Variants in PER2 observed in about 807,000 individuals in gnomAD.
The protein encoded by PER2 is period circadian protein homolog 2.
PER2 carries 66 observed loss-of-function variants against 121.0 expected under a neutral mutation model. That is an observed-to-expected ratio of 0.55 (90% confidence interval 0.45 to 0.67). The LOEUF (loss-of-function observed/expected upper bound fraction) is 0.67, where lower values mean the gene tolerates loss of function less well. Among genes scored for constraint, PER2 ranks in the 30% least tolerant of loss-of-function variants. The probability of loss-of-function intolerance (pLI) is 0.00; values close to 1 mark genes in which losing one functional copy is unlikely to be tolerated. For synonymous variants in PER2, 684 were observed against 659.9 expected, an observed-to-expected ratio of 1.04 and a Z score of -0.56; for missense variants, 1,521 against 1,635.0, an observed-to-expected ratio of 0.93 and a Z score of 1.20.
At chr2:238,290,411 T>C (rs1195750259), upstream of PER2, among the ~76,000 whole-genome samples, 3 of 152,050 alleles carry the variant, frequency 2.0e-5, no homozygotes, top group African/African-American at 7.2e-5. Context: ...GGGAGCTCCA[T>C]TGTTCTGGAA....
At chr2:238,270,618 G>T (rs1361186783) in intron 6 of PER2, among the ~76,000 whole-genome samples, 3 of 152,238 alleles carry the variant, frequency 2.0e-5, no homozygotes, top group Non-Finnish European at 4.4e-5. Flanking sequence ...CCTGAGGAGA[G>T]TGGGGGTCAG....
the PER2 span, chr2:238,298,999 A>C: frequency 6.6e-6 from 1 of 152,368 alleles, no homozygotes; most frequent in Admixed American, 6.5e-5. Flanking sequence ...GGCCAGGCAC[A>C]GTGGCTCACG....
intron 13 of PER2, among the ~76,000 whole-genome samples, chr2:238,260,510 C>A (rs1300785213): frequency 6.6e-6 from 1 of 152,218 alleles, no homozygotes; most frequent in Admixed American, 6.5e-5. Context: ...CCTGCCTCGG[C>A]CTTCCAAAGT....
chr2:238,253,838 CA>C lies in PER2; in HGVS notation c.2321-137del. 1 of 679,496 alleles carries C rather than the reference CA, an allele frequency of 1.5e-6. No individual in the cohort carries two copies. Among genetic ancestry groups the C allele is most frequent in the South Asian group, 1.7e-5 (1 of 59,646 alleles). The allele number at this position is 679,496 out of a possible 1,614,324, so 42.1% of individuals were successfully genotyped here. A position where few individuals can be genotyped will look rare whatever the true frequency, so the allele number is the denominator to read the frequency against. ...CCACCGAGCGGTTTTCCCTGATCCT[CA>C]GTGAAGTGAGAAAAATCAGGGCAAA... On this transcript the variant is annotated intron_variant, in intron 18 of 22. Coordinates refer to ENST00000254657, the MANE Select transcript of PER2 (RefSeq NM_022817.3). This position sits in a 1 kb window ranked among gnomAD's most constrained non-coding sequence, Gnocchi z 5.6.
At chr2:238,272,949 A>G in intron 5 of PER2, 121 bp downstream of exon 5, 1 of 873,640 alleles carries the variant, frequency 1.1e-6, no homozygotes, top group Non-Finnish European at 1.9e-6. Flanking sequence ...AAAGGTAGGA[A>G]CTTATCTGCT....
At chr2:238,286,278 G>T (rs1258625212) in intron 1 of PER2, among the ~76,000 whole-genome samples, 2 of 152,122 alleles carry the variant, frequency 1.3e-5, no homozygotes, top group Non-Finnish European at 2.9e-5. Context: ...GTCACCCCAG[G>T]AAGAGCACGA....
rs113611142 is a variant in PER2, at chr2:238,288,582, C to A, written c.-253G>T. On this transcript the variant is annotated 5_prime_UTR_variant, in exon 1 of 23. Transcript: ENST00000254657. ...AGCCGGCGCTGGGACCCCGACCTGC[C>A]CGAGGCCCGCGCGCCGGCGGCGGTT... The A allele has an allele frequency of 6.6e-6, 1 of 151,482 alleles. No individual in the cohort carries two copies. The highest frequency in any genetic ancestry group is 2.0e-4 in the South Asian group (1 of 4,958). The allele number at this position is 151,482 out of a possible 1,614,324, so 9.4% of individuals were successfully genotyped here.
chr2:238,253,331 C>G lies in PER2; in HGVS notation c.2692G>C (p.Ala898Pro). The G allele has an allele frequency of 6.2e-7, 1 of 1,613,626 alleles. No homozygotes were observed. Among genetic ancestry groups the G allele is most frequent in the Non-Finnish European group, 8.5e-7 (1 of 1,179,800 alleles). The change falls in exon 19 of 23, where the codon GCC (alanine) becomes CCC (proline). Residue 898 changes from alanine to proline, a missense_variant. Coordinates refer to ENST00000254657, the MANE Select transcript of PER2 (RefSeq NM_022817.3). The surrounding 1 kb of genome is among the most constrained non-coding windows in gnomAD (Gnocchi z 5.6). ...QFAVQPPPFP[A>P]PLAPVMAFML... ...AATGCCATGACAGGCGCCAAAGGGG[C>G]AGGGAAAGGTGGGGGCTGGACTGCA...
upstream of PER2, among the ~76,000 whole-genome samples, chr2:238,290,988 T>C (rs1041414304): frequency 1.3e-5 from 2 of 152,134 alleles, no homozygotes; most frequent in Non-Finnish European, 2.9e-5. Flanking sequence ...AGAGCGCAAA[T>C]TGGGGCAGTC....
chr2:238,253,731 T>A lies in PER2; in HGVS notation c.2321-29A>T. 1 of 1,533,968 alleles carries A rather than the reference T, an allele frequency of 6.5e-7. No individual in the cohort carries two copies. Among genetic ancestry groups the A allele is most frequent in the Non-Finnish European group, 8.9e-7 (1 of 1,125,934 alleles). On this transcript the variant is annotated intron_variant, in intron 18 of 22. Transcript: ENST00000254657. This position sits in a 1 kb window ranked among gnomAD's most constrained non-coding sequence, Gnocchi z 5.6. ...ATGCAGAAAAACAAATACTCGGAGTTAAAATTTTAACTCCAAATTTGAAGA... is the reference window on the plus strand; with the variant it reads ...ATGCAGAAAAACAAATACTCGGAGTAAAAATTTTAACTCCAAATTTGAAGA...
chr2:238,279,700 C>G (rs1301347900), intron 1 of PER2, among the ~76,000 whole-genome samples: 1 of 152,202 alleles, frequency 6.6e-6, no homozygotes, highest in African/African-American at 2.4e-5. Context: ...GGGAGAGCCT[C>G]CCCTTCCACC....
Position 238,246,354 on chromosome 2 carries a change from C to T in PER2, c.*21G>A, listed in dbSNP as rs755605691. 1.9e-6 allele frequency: 3 copies of T among 1,573,768 alleles called. No individual in the cohort carries two copies. The highest frequency in any genetic ancestry group is 1.8e-5 in the Admixed American group (1 of 54,566). On this transcript the variant is annotated 3_prime_UTR_variant, in exon 23 of 23. Coordinates refer to ENST00000254657, the MANE Select transcript of PER2 (RefSeq NM_022817.3). ...CCACCTGGTGTACCTCGCTGGCTGC[C>T]GGGCTGAGGTGGGGCAGGGGTTACG...
rs1290108762 is a variant in PER2, at chr2:238,285,703, C to T, written c.-20+2646G>A. Among the ~76,000 whole-genome samples the T allele has an allele frequency of 2.4e-5, 3 of 125,592 alleles. No individual in the cohort carries two copies. In the East Asian group the frequency reaches 6.9e-4, roughly 29 times the overall value. The allele number at this position is 125,592 out of a possible 152,430, so 82.4% of individuals were successfully genotyped here. A position where few individuals can be genotyped will look rare whatever the true frequency, so the allele number is the denominator to read the frequency against. On this transcript the variant is annotated intron_variant, in intron 1 of 22. Transcript: ENST00000254657. ...CAGAGGCAGGACAGTGCCAGCCCCC[C>T]AGAGGCTCCTGGTGGCCCTCCCAGC...
intron 8 of PER2, 36 bp from the exon 9 acceptor site, chr2:238,265,626 T>C: frequency 1.6e-6 from 2 of 1,223,338 alleles, no homozygotes; most frequent in Non-Finnish European, 2.4e-6. Context: ...TTTGTGATCC[T>C]AAGAAATGCA....
rs1480851386 is a variant in PER2, at chr2:238,253,313, T to C, written c.2710A>G (p.Met904Val). ...PPFPAPLAPV[M>V]AFMLPSYSFP... The stretch of plus-strand genomic sequence containing the variant: ...GAATAACTGGGTAGCATGAATGCCA[T>C]GACAGGCGCCAAAGGGGCAGGGAAA... Residue 904 changes from methionine to valine, a missense_variant, in exon 19 of 23, where the codon ATG (methionine) becomes GTG (valine). Coordinates refer to ENST00000254657, the MANE Select transcript of PER2 (RefSeq NM_022817.3). This position sits in a 1 kb window ranked among gnomAD's most constrained non-coding sequence, Gnocchi z 5.6. 1 of 1,613,438 alleles carries C rather than the reference T, an allele frequency of 6.2e-7. No homozygotes were observed. Among genetic ancestry groups the C allele is most frequent in the Non-Finnish European group, 8.5e-7 (1 of 1,179,754 alleles).
At chr2:238,295,913 T>C in the PER2 span, 1 of 222,918 alleles carries the variant, frequency 4.5e-6, no homozygotes, top group Non-Finnish European at 9.1e-6. Context: ...GGGGAACTCT[T>C]TGCAAGCACG....
intron 15 of PER2, 41 bp from the exon 16 acceptor site, chr2:238,258,441 T>A: frequency 1.9e-6 from 3 of 1,613,990 alleles, no homozygotes; most frequent in Non-Finnish European, 2.5e-6. Context: ...CCACACAACA[T>A]GAGAGGAGGG....
intron 11 of PER2, 86 bp downstream of exon 11, chr2:238,262,105 C>A (rs1695951183): frequency 1.5e-6 from 2 of 1,316,294 alleles, no homozygotes; most frequent in Admixed American, 3.4e-5. Flanking sequence ...CAGCCCCTCC[C>A]TATGCCATCT....
intron 5 of PER2, 24 bp from the exon 6 acceptor site, chr2:238,271,537 G>A (rs1382995156): frequency 1.5e-5 from 23 of 1,575,020 alleles, no homozygotes; most frequent in Non-Finnish European, 1.7e-5. Context: ...GTAGGGCTCT[G>A]ATGACAAGGT....
Sources: allele counts gnomAD v4.1 joint callset (sites outside exome capture counted in the v4.1 genomes callset), GRCh38; gene constraint gnomAD v4.1.1; non-coding constraint Gnocchi (gnomAD v3.1); transcripts MANE v1.5; gene names NCBI Gene and HGNC (gene_info 2026-07-23, HGNC 2026-07-21).